NMNAT3: variants seen among roughly 807,000 people sequenced by gnomAD.
NMNAT3 encodes the protein nicotinamide/nicotinic acid mononucleotide adenylyltransferase 3.
In NMNAT3, 21 loss-of-function variants were observed where a neutral mutation model predicts 24.8. The ratio of observed to expected loss-of-function variants is 0.85; its 90% CI spans 0.60 to 1.22. The LOEUF is 1.22. NMNAT3 is among the 50% of genes most tolerant of loss of function. The probability of loss-of-function intolerance (pLI) is 0.00; values close to 1 mark genes in which losing one functional copy is unlikely to be tolerated. For synonymous variants in NMNAT3, 136 were observed against 155.2 expected (o/e 0.88, Z 0.92); for missense variants, 387 against 436.6 (o/e 0.89, Z 1.01).
chr3:139,676,989 A>C (rs150585560), intron 1 of NMNAT3, among the ~76,000 whole-genome samples: 1 of 152,286 alleles, frequency 6.6e-6, no homozygotes, highest in Non-Finnish European at 1.5e-5. Flanking sequence ...CATTTTACAG[A>C]GGAGAACGTT....
intron 3 of NMNAT3, among the ~76,000 whole-genome samples, chr3:139,622,969 A>G (rs2055872467): frequency 6.7e-6 from 1 of 149,908 alleles, no homozygotes; most frequent in Non-Finnish European, 1.5e-5. Flanking sequence ...CTACAGTATT[A>G]CTGTAGACTC....
intron 4 of NMNAT3, among the ~76,000 whole-genome samples, chr3:139,580,121 G>A (rs571912588): frequency 1.4e-4 from 22 of 152,290 alleles, no homozygotes; most frequent in East Asian, 5.8e-4. Flanking sequence ...CATAAAAAGC[G>A]TTGGAGAGTT....
chr3:139,649,551 G>C (rs1265866664), intron 1 of NMNAT3, among the ~76,000 whole-genome samples: 2 of 152,128 alleles, frequency 1.3e-5, no homozygotes, highest in Admixed American at 1.3e-4. Flanking sequence ...CTTTCCTTCT[G>C]AAAAATTCTA....
At chr3:139,591,434 CAGCCGGGA>C (rs1473050203) in intron 3 of NMNAT3, among the ~76,000 whole-genome samples, 1 of 148,894 alleles carries the variant, frequency 6.7e-6, no homozygotes, top group Non-Finnish European at 1.5e-5. Flanking sequence ...GTAAACAAAG[CAGCCGGGA>C]AGCTCGAACT....
At chr3:139,653,814 T>C (rs188718602) in intron 1 of NMNAT3, among the ~76,000 whole-genome samples, 6 of 152,216 alleles carry the variant, frequency 3.9e-5, no homozygotes, top group Admixed American at 3.9e-4. Flanking sequence ...TGAGTCACAG[T>C]CAGCAACACG....
In NMNAT3 at chr3:139,587,470, C is replaced by T. The variant is rs77415923; in HGVS notation, c.110-4262G>A. On this transcript the variant is annotated intron_variant, in intron 3 of 6. Transcript: ENST00000643695. ...TGCCTAAGATTAAGGACAGATCCCT[C>T]GGCTAGAAAGTAGTGAGGGCAGCTG... Among the ~76,000 whole-genome samples, 1,010 of 152,212 alleles carry T rather than the reference C, an allele frequency of 6.6e-3. 13 individuals are homozygous for T. Among genetic ancestry groups the T allele is most frequent in the African/African-American group, 0.023 (961 of 41,502 alleles).
At chr3:139,646,578 T>C (rs2056879201) in intron 1 of NMNAT3, among the ~76,000 whole-genome samples, 1 of 152,190 alleles carries the variant, frequency 6.6e-6, no homozygotes, top group Non-Finnish European at 1.5e-5. Context: ...TGGTCTGCAC[T>C]CTCAAATCAC....
intron 1 of NMNAT3, among the ~76,000 whole-genome samples, chr3:139,662,221 C>T (rs2057438437): frequency 6.6e-6 from 1 of 152,162 alleles, no homozygotes; most frequent in African/African-American, 2.4e-5. Flanking sequence ...TGTCTCTCTT[C>T]TCCTACCTGG....
At chr3:139,587,693 T>G (rs1207407795) in intron 3 of NMNAT3, among the ~76,000 whole-genome samples, 1 of 152,208 alleles carries the variant, frequency 6.6e-6, no homozygotes, top group African/African-American at 2.4e-5. Flanking sequence ...TAAGATCAAG[T>G]TGAATGTTAT....
chr3:139,588,625 C>T (rs746305410), intron 3 of NMNAT3, among the ~76,000 whole-genome samples: 17 of 152,076 alleles, frequency 1.1e-4, no homozygotes, highest in Non-Finnish European at 2.1e-4. Context: ...AGAACCTCTC[C>T]AGGTGGGGGT....
At chr3:139,669,674 A>T (rs2057698877) in intron 1 of NMNAT3, among the ~76,000 whole-genome samples, 1 of 152,160 alleles carries the variant, frequency 6.6e-6, no homozygotes, top group Non-Finnish European at 1.5e-5. Context: ...ATAGCACCTA[A>T]AGCCATAACT....
At chr3:139,659,829 C>T (rs760072147) in intron 1 of NMNAT3, among the ~76,000 whole-genome samples, 3 of 152,214 alleles carry the variant, frequency 2.0e-5, no homozygotes, top group East Asian at 1.9e-4. Flanking sequence ...TAGCGTGCAA[C>T]GCAGGATGAG....
Position 139,627,657 on chromosome 3 carries a change from A to G in NMNAT3, c.68T>C (p.Leu23Pro), listed in dbSNP as rs2056114566. ...ATCTCTGGCCACCTCAAACATGCGC[A>G]GGTGCATGTTGGTGATGGGGTTAAA... Residue 23 changes from leucine (L) to proline (P), a missense_variant, in exon 3 of 7, where the codon CTG becomes CCG. This residue lies in a region of NMNAT3 where 51 missense variants were observed against 55.6 expected (regional missense o/e 0.92). Coordinates refer to ENST00000643695, the MANE Select transcript of NMNAT3 (RefSeq NM_001320510.2). The G allele has an allele frequency of 1.3e-6, 2 of 1,595,690 alleles. No individual in the cohort carries two copies. The highest frequency in any genetic ancestry group is 1.3e-5 in the African/African-American group (1 of 74,860).
chr3:139,599,253 G>A (rs763245051), intron 3 of NMNAT3: 30 of 686,204 alleles, frequency 4.4e-5, no homozygotes, highest in South Asian at 2.8e-4. Flanking sequence ...ATGCTCAGAC[G>A]TGGCTGCTCT....
intron 3 of NMNAT3, chr3:139,584,072 G>T: frequency 6.5e-6 from 1 of 154,796 alleles, no homozygotes; most frequent in Non-Finnish European, 1.4e-5. Context: ...CTGAAGCTTT[G>T]CTTTCTGTTT....
At chr3:139,632,566 C>G (rs1576696296) in intron 2 of NMNAT3, among the ~76,000 whole-genome samples, 1 of 152,380 alleles carries the variant, frequency 6.6e-6, no homozygotes, top group Non-Finnish European at 1.5e-5. Context: ...AGCCTGGTCT[C>G]TGGCACTGCC....
intron 6 of NMNAT3, chr3:139,569,230 G>T (rs1381418671): frequency 6.6e-6 from 1 of 151,824 alleles, no homozygotes; most frequent in Admixed American, 6.6e-5. Context: ...TTGAGCCTAT[G>T]TGTGTCTCTG....
At position 139,581,307 on chromosome 3, in the gene NMNAT3, G is replaced by A. The variant is rs199878342; in HGVS notation, c.391+1620C>T. Among the ~76,000 whole-genome samples the A allele has an allele frequency of 1.6e-3, 167 of 107,486 alleles. 1 individual carries two copies. Among genetic ancestry groups the A allele is most frequent in the Admixed American group, 5.9e-3 (61 of 10,358 alleles). The allele number at this position is 107,486 out of a possible 152,430, so 70.5% of individuals were successfully genotyped here. On this transcript the variant is annotated intron_variant, in intron 4 of 6. Coordinates refer to ENST00000643695, the MANE Select transcript of NMNAT3 (RefSeq NM_001320510.2). Reference sequence around the variant, plus strand: ...ATATGGACAGTATATTAGATGATATGTAATTTTCATTAATTTTCTTAGGAG... The same window carrying A: ...ATATGGACAGTATATTAGATGATATATAATTTTCATTAATTTTCTTAGGAG...
chr3:139,602,641 A>G (rs907605103), intron 3 of NMNAT3, among the ~76,000 whole-genome samples: 6 of 152,202 alleles, frequency 3.9e-5, no homozygotes, highest in Admixed American at 1.3e-4. Flanking sequence ...GGCATTGGCT[A>G]TAGAGAGACC....
Sources: allele counts gnomAD v4.1 joint callset (sites outside exome capture counted in the v4.1 genomes callset), GRCh38; gene constraint gnomAD v4.1.1; regional missense constraint gnomAD v4.1.1; transcripts MANE v1.5; gene names NCBI Gene and HGNC (gene_info 2026-07-23, HGNC 2026-07-21).